The following OPA1 variants were observed in gnomAD, a reference collection of about 807,000 sequenced individuals.
OPA1 encodes the protein dynamin-like GTPase OPA1, mitochondrial.
OPA1 carries 59 observed loss-of-function variants against 152.9 expected under a neutral mutation model. The observed-to-expected ratio is 0.39, with a 90% CI of 0.31 to 0.48. The LOEUF (loss-of-function observed/expected upper bound fraction) is 0.48. Among genes scored for constraint, OPA1 ranks in the 20% least tolerant of loss-of-function variants. The pLI is 0.96. For synonymous variants in OPA1, 400 were observed against 389.9 expected (o/e 1.03, Z -0.31); for missense variants, 1,008 against 1,216.8 (o/e 0.83, Z 2.55).
chr3:193,596,410 CTT>C (rs758574570), intron 1 of OPA1, among the ~76,000 whole-genome samples: 2 of 124,524 alleles, frequency 1.6e-5, no homozygotes, highest in Non-Finnish European at 1.7e-5. Flanking sequence ...CTTTTCTTTT[CTT>C]TTCTTTTCTT....
At chr3:193,601,276 T>C (rs1726418093) in intron 1 of OPA1, among the ~76,000 whole-genome samples, 3 of 152,248 alleles carry the variant, frequency 2.0e-5, no homozygotes, top group Middle Eastern at 3.4e-3. Flanking sequence ...TCCTCGTCTA[T>C]TTCGAGGCTA....
chr3:193,627,155 T>C (rs1218049090), intron 7 of OPA1: 1 of 152,212 alleles, frequency 6.6e-6, no homozygotes, highest in Non-Finnish European at 1.5e-5. Flanking sequence ...ATATTATAGA[T>C]TATGATTTAG....
chr3:193,633,799 G>A (rs1254363975), intron 8 of OPA1, among the ~76,000 whole-genome samples: 1 of 152,172 alleles, frequency 6.6e-6, no homozygotes, highest in Non-Finnish European at 1.5e-5. Context: ...TCAGGTGCTT[G>A]ATAACTACAT....
At chr3:193,602,557 A>T (rs772376545) in intron 1 of OPA1, among the ~76,000 whole-genome samples, 2 of 152,212 alleles carry the variant, frequency 1.3e-5, no homozygotes, top group Non-Finnish European at 2.9e-5. Context: ...CCTCCCAGTG[A>T]CTATTTCATA....
At chr3:193,617,725 G>C in intron 4 of OPA1, 59 bp from the exon 5 acceptor site, 1 of 1,262,448 alleles carries the variant, frequency 7.9e-7, no homozygotes, top group Non-Finnish European at 1.2e-6. Flanking sequence ...AGACATCTTT[G>C]TTTGCTCATT....
intron 29 of OPA1, among the ~76,000 whole-genome samples, chr3:193,672,030 T>C (rs989049128): frequency 4.6e-5 from 7 of 152,218 alleles, no homozygotes; most frequent in Non-Finnish European, 1.0e-4. Flanking sequence ...AAAATTCAGT[T>C]TCAAAGGATT....
At chr3:193,682,423 T>C (rs1018872229) in intron 29 of OPA1, among the ~76,000 whole-genome samples, 4 of 152,086 alleles carry the variant, frequency 2.6e-5, no homozygotes, top group African/African-American at 9.7e-5. Flanking sequence ...TTGATGAAGG[T>C]GATTATACTA....
chr3:193,642,951 T>G, intron 12 of OPA1, 24 bp from the exon 13 acceptor site: 3 of 1,607,198 alleles, frequency 1.9e-6, no homozygotes, highest in Non-Finnish European at 1.7e-6. Context: ...TTAGATTTTC[T>G]TAGGATTTTG....
chr3:193,617,086 G>C lies in OPA1; in HGVS notation c.449-92G>C, dbSNP rs1729142932. ...TAGCTGTTTTGTAGGGTTGTCATGA[G>C]GATTAAACAAGTTAATACTTTAGCC... On this transcript the variant is annotated intron_variant, in intron 3 of 30. Transcript: ENST00000361510. 3.1e-5 allele frequency: 24 copies of C among 781,394 alleles called. No homozygotes were observed. The South Asian group carries it at 3.5e-4, about 11-fold the overall frequency. 48.4% of individuals were successfully genotyped at this position (781,394 alleles called of 1,614,324 possible).
At chr3:193,648,300 T>C in intron 20 of OPA1, 166 bp downstream of exon 20, 1 of 563,932 alleles carries the variant, frequency 1.8e-6, no homozygotes, top group Non-Finnish European at 3.1e-6. Context: ...CTTTCAGTAA[T>C]TTAAATTATT....
At chr3:193,656,403 G>T (rs978429488) in intron 22 of OPA1, among the ~76,000 whole-genome samples, 2 of 152,096 alleles carry the variant, frequency 1.3e-5, no homozygotes, top group African/African-American at 4.8e-5. Flanking sequence ...AGCCCACATA[G>T]TTATAAGTAG....
chr3:193,658,118 G>A (rs986930231), intron 23 of OPA1, among the ~76,000 whole-genome samples: 3 of 151,908 alleles, frequency 2.0e-5, no homozygotes, highest in East Asian at 3.9e-4. Flanking sequence ...GGTGGTGCAT[G>A]CCTGTAATCC....
chr3:193,692,549 G>A (rs776137110), intron 30 of OPA1, among the ~76,000 whole-genome samples: 60 of 152,068 alleles, frequency 3.9e-4, no homozygotes, highest in Admixed American at 3.3e-4. Context: ...TTTAATAATT[G>A]TTCTTAATCC....
rs1312276339 is a variant in OPA1, at chr3:193,645,595, T to G, written c.1651T>G (p.Leu551Val). The stretch of plus-strand genomic sequence containing the variant: ...AGGAAAGCTCTTCCCAATGAAAGCT[T>G]TAGGTTATTTTGCTGTTGTAACAGG... ...IEGKLFPMKA[L>V]GYFAVVTGKG... is the part of the protein sequence containing the mutation. The change falls in exon 17 of 31, where the codon TTA becomes GTA. Residue 551 changes from leucine (L) to valine (V), a missense_variant. Transcript: ENST00000361510. 6.2e-7 allele frequency: 1 copy of G among 1,613,140 alleles called. No individual in the cohort carries two copies. The highest frequency in any genetic ancestry group is 1.1e-5 in the South Asian group (1 of 91,058).
chr3:193,634,738 T>A (rs1732681988), intron 8 of OPA1, among the ~76,000 whole-genome samples: 1 of 152,136 alleles, frequency 6.6e-6, no homozygotes, highest in Admixed American at 6.5e-5. Flanking sequence ...TAATATATTA[T>A]CTCTGGACAT....
intron 25 of OPA1, among the ~76,000 whole-genome samples, chr3:193,660,769 C>A (rs576311835): frequency 7.6e-4 from 116 of 151,936 alleles, no homozygotes; most frequent in Non-Finnish European, 1.3e-3. Flanking sequence ...GCTGAGGAAG[C>A]AGACAGTTAG....
At chr3:193,639,932 GGAGA>G (rs375066899) in intron 11 of OPA1, among the ~76,000 whole-genome samples, 74 of 151,694 alleles carry the variant, frequency 4.9e-4, no homozygotes, top group African/African-American at 1.7e-3. Flanking sequence ...AAAGCAATGG[GGAGA>G]GAGAGAGAGA....
chr3:193,682,872 A>G (rs1560072543), intron 29 of OPA1, among the ~76,000 whole-genome samples: 1 of 152,218 alleles, frequency 6.6e-6, no homozygotes, highest in East Asian at 1.9e-4. Flanking sequence ...CACAACATCC[A>G]TTCTGCAGCC....
intron 1 of OPA1, among the ~76,000 whole-genome samples, chr3:193,600,968 AG>A (rs1726367593): frequency 6.6e-6 from 1 of 152,222 alleles, no homozygotes; most frequent in African/African-American, 2.4e-5. Context: ...GGGAGGGATT[AG>A]TACAAAATTC....
Sources: gnomAD v4.1 joint callset for allele counts (sites outside exome capture counted in the v4.1 genomes callset) on GRCh38, gnomAD v4.1.1 for gene constraint, MANE v1.5 for transcripts, NCBI Gene and HGNC (gene_info 2026-07-23, HGNC 2026-07-21) for gene names.